Variants in SLC7A9 observed in about 807,000 individuals in gnomAD.
SLC7A9 encodes the protein solute carrier family 7 member 9, also known as B(0,+)-type amino acid transporter 1.
SLC7A9 carries 38 observed loss-of-function variants against 54.1 expected under a neutral mutation model. The observed-to-expected ratio is 0.70, with a 90% CI of 0.54 to 0.92. The LOEUF is 0.92. Ranked by LOEUF, SLC7A9 falls within the 40% of genes least tolerant of loss-of-function variation. The probability of loss-of-function intolerance (pLI) is 0.00; values close to 1 mark genes in which losing one functional copy is unlikely to be tolerated. For synonymous variants in SLC7A9, 264 were observed against 258.9 expected (o/e 1.02, Z -0.19); for missense variants, 537 against 636.1 (o/e 0.84, Z 1.68).
intron 2 of SLC7A9, among the ~76,000 whole-genome samples, chr19:32,865,970 A>C (rs984454527): frequency 1.3e-5 from 2 of 152,004 alleles, no homozygotes; most frequent in Admixed American, 6.6e-5. Context: ...AAAAAAAAAA[A>C]AAAAACCTGC....
At position 32,864,190 on chromosome 19, in the gene SLC7A9, G is replaced by C; in HGVS notation, c.384C>G (p.Ile128Met). 6.2e-7 allele frequency: 1 copy of C among 1,614,248 alleles called. No individual in the cohort carries two copies. Among genetic ancestry groups the C allele is most frequent in the East Asian group, 2.2e-5 (1 of 44,892 alleles). Residue 128 changes from isoleucine (I) to methionine (M), a missense_variant, in exon 4 of 13, where the codon ATC (isoleucine) becomes ATG (methionine). Transcript: ENST00000023064. ...ACACATACTCGGAGAAGCTGAGGCA[G>C]ATGATGGCGAAGGACGTGGGCTTAA... is the stretch of plus-strand genomic sequence containing the variant. ...IVIKPTSFAI[I>M]CLSFSEYVCA...
chr19:32,834,338 A>G (rs1023920549), intron 11 of SLC7A9, among the ~76,000 whole-genome samples: 1 of 152,200 alleles, frequency 6.6e-6, no homozygotes, highest in Non-Finnish European at 1.5e-5. Flanking sequence ...TTTAAAGACC[A>G]TAACCTGGAG....
rs1968772875 is a variant in SLC7A9 at position 32,860,635 on chromosome 19, G to A, written c.720C>T (p.Tyr240=). The A allele has an allele frequency of 4.3e-6, 7 of 1,614,130 alleles. No individual in the cohort carries two copies. Among genetic ancestry groups the A allele is most frequent in the South Asian group, 1.1e-5 (1 of 91,084 alleles). ...AAGGGTTTCTAAGTTCTTCTGTGAT[G>A]TAATTGAGTTGATTCCTGGAAAAAG... ...WAYDGWNQLN[Y]ITEELRNPYR... is the part of the protein sequence containing the mutation. The change falls in exon 7 of 13, where the codon TAC becomes TAT. Residue 240 remains tyrosine, a synonymous_variant. Transcript: ENST00000023064.
intron 11 of SLC7A9, among the ~76,000 whole-genome samples, chr19:32,841,663 T>C (rs1968130201): frequency 6.6e-6 from 1 of 152,218 alleles, no homozygotes; most frequent in Non-Finnish European, 1.5e-5. Flanking sequence ...TCCCAGCACT[T>C]TGGGAAGCCA....
chr19:32,866,299 C>T (rs1968970749), intron 2 of SLC7A9, among the ~76,000 whole-genome samples: 1 of 152,180 alleles, frequency 6.6e-6, no homozygotes, highest in Admixed American at 6.5e-5. Flanking sequence ...CTCCTCATCT[C>T]AGCCCTGCCC....
chr19:32,861,311 AAT>A (rs1968793108), intron 6 of SLC7A9, among the ~76,000 whole-genome samples: 1 of 151,050 alleles, frequency 6.6e-6, no homozygotes, highest in South Asian at 2.1e-4. Flanking sequence ...CAGCCTGGGT[AAT>A]AGAGTGAGAC....
At chr19:32,832,604 AGAAAG>A (rs1156776739) in intron 12 of SLC7A9, among the ~76,000 whole-genome samples, 13 of 132,868 alleles carry the variant, frequency 9.8e-5, no homozygotes, top group East Asian at 2.6e-4. Context: ...AAAAAAAAAA[AGAAAG>A]AAAGAAAGAA....
intron 9 of SLC7A9, among the ~76,000 whole-genome samples, chr19:32,857,723 C>G (rs934586484): frequency 2.0e-5 from 3 of 152,138 alleles, no homozygotes; most frequent in Non-Finnish European, 2.9e-5. Context: ...CACCCACACC[C>G]AGGTGTGAGT....
chr19:32,837,492 CAAAAAAAAAAAAA>C (rs57648590), intron 11 of SLC7A9, among the ~76,000 whole-genome samples: 3 of 54,554 alleles, frequency 5.5e-5, no homozygotes, highest in South Asian at 6.5e-4. Context: ...GATTCCATCT[CAAAAAAAAAAAAA>C]AAAAAAAAAA....
intron 12 of SLC7A9, chr19:32,832,663 G>A (rs1193945751): frequency 5.7e-6 from 1 of 174,086 alleles, no homozygotes; most frequent in Admixed American, 5.6e-5. Context: ...AGTAGTCCCA[G>A]CACTTTGGAG....
chr19:32,862,337 A>C (rs1968823711), intron 5 of SLC7A9, 120 bp from the exon 6 acceptor site: 2 of 1,478,818 alleles, frequency 1.4e-6, no homozygotes, highest in Non-Finnish European at 1.9e-6. Context: ...GAAACTAAGG[A>C]TCCCTCCCAC....
At chr19:32,869,353 T>C (rs1274166369) in intron 1 of SLC7A9, among the ~76,000 whole-genome samples, 6 of 152,182 alleles carry the variant, frequency 3.9e-5, no homozygotes, top group Admixed American at 3.3e-4. Context: ...ACATCACAGA[T>C]CCACAATACA....
In SLC7A9 at chr19:32,836,075, G is replaced by A. The variant is rs536275204; in HGVS notation, c.1225-2752C>T. 3.2e-4 allele frequency among the ~76,000 whole-genome samples: 49 copies of A among 152,116 alleles called. No homozygotes were observed. In the South Asian group the frequency reaches 9.5e-3, roughly 30 times the overall value. ...ACTACAGGTGCCCGCCACCACGCCC[G>A]GCTAATTTTTTGTATTTTTAGTAGA... On this transcript the variant is annotated intron_variant, in intron 11 of 12. Transcript: ENST00000023064.
At chr19:32,864,058 G>C (rs1248933756) in intron 4 of SLC7A9, 38 bp downstream of exon 4, 2 of 1,612,928 alleles carry the variant, frequency 1.2e-6, no homozygotes, top group African/African-American at 2.7e-5. Flanking sequence ...CTCTGTGCCA[G>C]GTCTTTTCTG....
chr19:32,846,525 C>T (rs1356642631), intron 9 of SLC7A9, among the ~76,000 whole-genome samples: 1 of 152,128 alleles, frequency 6.6e-6, no homozygotes. Context: ...CCAGGAAGCT[C>T]GAACTGGGTG....
intron 2 of SLC7A9, among the ~76,000 whole-genome samples, chr19:32,867,562 C>T (rs1477272841): frequency 6.6e-6 from 1 of 151,796 alleles, no homozygotes; most frequent in Non-Finnish European, 1.5e-5. Context: ...CCCTTTCTGA[C>T]CATTCCTGGA....
Position 32,843,864 on chromosome 19 carries a change from G to T in SLC7A9, c.1065C>A (p.Ile355=), listed in dbSNP as rs760709256. The change falls in exon 10 of 13, where the codon ATC becomes ATA. Residue 355 remains isoleucine (I), a synonymous_variant. Coordinates refer to ENST00000023064, the MANE Select transcript of SLC7A9 (RefSeq NM_014270.5). ...CGGGATTTGTACTCACATAAAAGAT[G>T]ATGGCGGGGGCTGGAGTGAGGCGCC... ...SVRRLTPAPA[I]IFYGIIATIY... 6.2e-7 allele frequency: 1 copy of T among 1,612,924 alleles called. No homozygotes were observed. Among genetic ancestry groups the T allele is most frequent in the Non-Finnish European group, 8.5e-7 (1 of 1,178,970 alleles).
chr19:32,838,094 C>A (rs1968016303), intron 11 of SLC7A9, among the ~76,000 whole-genome samples: 1 of 152,148 alleles, frequency 6.6e-6, no homozygotes. Flanking sequence ...CTCACAGAAG[C>A]CAAGCGGCCC....
chr19:32,858,400 G>A lies in SLC7A9; in HGVS notation c.977+40C>T, dbSNP rs773117102. The A allele has an allele frequency of 4.0e-5, 57 of 1,419,910 alleles. 2 individuals are homozygous for A. In the East Asian group the frequency reaches 5.7e-4, roughly 14 times the overall value. 88.0% of individuals were successfully genotyped at this position (1,419,910 alleles called of 1,614,324 possible). A position where few individuals can be genotyped will look rare whatever the true frequency, so the allele number is the denominator to read the frequency against. ...CCTCGGGGGTGATATTGCTTTCGCC[G>A]CCCCTGTCCACCCTGGGAGTGACGG... On this transcript the variant is annotated intron_variant, in intron 9 of 12. Coordinates refer to ENST00000023064, the MANE Select transcript of SLC7A9 (RefSeq NM_014270.5).
Sources: allele counts gnomAD v4.1 joint callset (sites outside exome capture counted in the v4.1 genomes callset), GRCh38; gene constraint gnomAD v4.1.1; transcripts MANE v1.5; gene names NCBI Gene and HGNC (gene_info 2026-07-23, HGNC 2026-07-21).